SRGAP1: variants seen among roughly 807,000 people sequenced by gnomAD.
The protein encoded by SRGAP1 is SLIT-ROBO Rho GTPase-activating protein 1.
SRGAP1 carries 43 observed loss-of-function variants against 121.9 expected under a neutral mutation model. The observed-to-expected ratio is 0.35, with a 90% CI of 0.28 to 0.46. The LOEUF (loss-of-function observed/expected upper bound fraction) is 0.46, where lower values mean the gene tolerates loss of function less well. SRGAP1 is among the 20% of genes least tolerant of loss of function. The probability of loss-of-function intolerance (pLI) is 1.00; values close to 1 mark genes in which losing one functional copy is unlikely to be tolerated. For missense variants in SRGAP1, 1,102 were observed against 1,350.9 expected (o/e 0.82, Z 2.89); for synonymous variants, 447 against 485.4 (o/e 0.92, Z 1.04).
intron 1 of SRGAP1, among the ~76,000 whole-genome samples, chr12:63,866,872 CTT>C (rs796830805): frequency 2.6e-4 from 36 of 141,010 alleles, no homozygotes; most frequent in Admixed American, 2.9e-4. Flanking sequence ...CATAACATTT[CTT>C]TTTTTTTTTT....
intron 6 of SRGAP1, among the ~76,000 whole-genome samples, chr12:64,052,079 G>A (rs946100672): frequency 7.9e-5 from 12 of 152,054 alleles, no homozygotes; most frequent in Admixed American, 7.2e-4. Context: ...TGAAGAAAAT[G>A]GCTCAATTGT....
chr12:63,999,937 T>C (rs1295345809), intron 3 of SRGAP1, among the ~76,000 whole-genome samples: 1 of 152,074 alleles, frequency 6.6e-6, no homozygotes, highest in Non-Finnish European at 1.5e-5. Flanking sequence ...TCCTATAAAA[T>C]GACTGAGAAG....
In SRGAP1 at chr12:63,889,053, T is replaced by C. The variant is rs993092514; in HGVS notation, c.67+44170T>C. Among the ~76,000 whole-genome samples, 9 of 152,322 alleles carry C rather than the reference T, an allele frequency of 5.9e-5. No individual in the cohort carries two copies. In the East Asian group the frequency reaches 1.7e-3, roughly 29 times the overall value. On this transcript the variant is annotated intron_variant, in intron 1 of 21. Transcript: ENST00000355086. The stretch of plus-strand genomic sequence containing the variant: ...TCCACTTCTTGAGCTTTGTTTTCTG[T>C]AGCCCTTGAGGCCACACCTCATCAT...
chr12:63,945,579 C>A (rs2032018470), intron 1 of SRGAP1, among the ~76,000 whole-genome samples: 1 of 152,206 alleles, frequency 6.6e-6, no homozygotes, highest in South Asian at 2.1e-4. Flanking sequence ...GTGGATTCCA[C>A]AACTTCAAGG....
At chr12:64,020,246 G>A (rs2034508947) in intron 4 of SRGAP1, among the ~76,000 whole-genome samples, 1 of 152,092 alleles carries the variant, frequency 6.6e-6, no homozygotes, top group Admixed American at 6.6e-5. Context: ...AGTTTTACCA[G>A]GCCAGATTGT....
intron 1 of SRGAP1, among the ~76,000 whole-genome samples, chr12:63,900,207 T>TTTTTTCC (rs1565942263): frequency 9.9e-6 from 1 of 100,952 alleles, no homozygotes; most frequent in Non-Finnish European, 2.1e-5. Context: ...TCTTTTTCTT[T>TTTTTTCC]TTTTTTTTTT....
chr12:63,999,169 G>A (rs562278813), intron 3 of SRGAP1, among the ~76,000 whole-genome samples: 26 of 152,280 alleles, frequency 1.7e-4, no homozygotes, highest in Middle Eastern at 3.4e-3. Context: ...ACCACATGCC[G>A]TGAGAGATTT....
At chr12:63,922,983 C>T (rs1475382013) in intron 1 of SRGAP1, among the ~76,000 whole-genome samples, 2 of 152,184 alleles carry the variant, frequency 1.3e-5, no homozygotes, top group Non-Finnish European at 2.9e-5. Context: ...TTGGTAGCAT[C>T]TTCTCTAGGA....
intron 1 of SRGAP1, among the ~76,000 whole-genome samples, chr12:63,967,004 G>A (rs150810751): frequency 9.3e-4 from 142 of 152,274 alleles, no homozygotes; most frequent in African/African-American, 3.4e-3. Flanking sequence ...TGAGCTTTTT[G>A]ATAGGTTGGC....
rs77391656 is a variant in SRGAP1, at chr12:63,917,734, T to C, written c.68-66213T>C. On this transcript the variant is annotated intron_variant, in intron 1 of 21. Transcript: ENST00000355086. ...TTTCAGAACCTGCTTAGGCCCAAAT[T>C]TGAAAACAGTTTATAATGAACCTGC... Among the ~76,000 whole-genome samples the C allele has an allele frequency of 2.7e-3, 408 of 152,328 alleles. 2 individuals are homozygous for C. Among genetic ancestry groups the C allele is most frequent in the African/African-American group, 9.4e-3 (389 of 41,566 alleles).
At chr12:64,007,245 C>G (rs1051691730) in intron 3 of SRGAP1, among the ~76,000 whole-genome samples, 4 of 152,096 alleles carry the variant, frequency 2.6e-5, no homozygotes, top group Non-Finnish European at 5.9e-5. Flanking sequence ...CTTTTTGGCA[C>G]CAAGGACTGG....
chr12:63,898,162 G>A (rs969633942), intron 1 of SRGAP1, among the ~76,000 whole-genome samples: 7 of 152,226 alleles, frequency 4.6e-5, no homozygotes, highest in Admixed American at 3.9e-4. Flanking sequence ...AAAATGAAAA[G>A]CTGTGAGCAT....
intron 8 of SRGAP1, among the ~76,000 whole-genome samples, chr12:64,075,357 C>A (rs116965514): frequency 8.3e-4 from 126 of 152,312 alleles, no homozygotes; most frequent in Non-Finnish European, 1.3e-3. Context: ...AGCAGTTTTC[C>A]GACTTGGGCG....
chr12:63,930,328 TAA>T (rs755253203), intron 1 of SRGAP1, among the ~76,000 whole-genome samples: 5 of 60,074 alleles, frequency 8.3e-5, no homozygotes, highest in Admixed American at 2.1e-4. Context: ...TCGTCTCTAC[TAA>T]AAAAAAAAAA....
rs1212999220 is a variant in SRGAP1, at chr12:64,072,106, C to CTGTGTGTGTG, written c.1126-6812_1126-6811insGTGTGTGTGT. 8.0e-3 allele frequency among the ~76,000 whole-genome samples: 303 copies of CTGTGTGTGTG among 37,698 alleles called. 1 individual carries two copies. Among genetic ancestry groups the CTGTGTGTGTG allele is most frequent in the East Asian group, 0.048 (50 of 1,046 alleles). 24.7% of individuals were successfully genotyped at this position (37,698 alleles called of 152,430 possible). A position where few individuals can be genotyped will look rare whatever the true frequency, so the allele number is the denominator to read the frequency against. Reference sequence around the variant, plus strand: ...TAATTACGGAGTTGACCCAATCTCTCTCTGTGTGTGTGTGTGTGTGTGTGT... The same window carrying CTGTGTGTGTG: ...TAATTACGGAGTTGACCCAATCTCTCTGTGTGTGTGTCTGTGTGTGTGTGTGTGTGTGTGT... On this transcript the variant is annotated intron_variant, in intron 8 of 21. Transcript: ENST00000355086.
At chr12:63,924,627 C>T (rs545592348) in intron 1 of SRGAP1, among the ~76,000 whole-genome samples, 1 of 152,340 alleles carries the variant, frequency 6.6e-6, no homozygotes, top group East Asian at 1.9e-4. Flanking sequence ...TGAACTTTAT[C>T]ACTTACATGA....
intron 1 of SRGAP1, among the ~76,000 whole-genome samples, chr12:63,858,366 G>C (rs150263154): frequency 6.6e-6 from 1 of 151,518 alleles, no homozygotes; most frequent in Non-Finnish European, 1.5e-5. Context: ...GCTTCACTTT[G>C]CTGCCCAGGC....
At chr12:63,919,499 C>CATATATATATATATATATATATATAT (rs10570691) in intron 1 of SRGAP1, among the ~76,000 whole-genome samples, 66 of 134,108 alleles carry the variant, frequency 4.9e-4, no homozygotes, top group African/African-American at 1.9e-3. Flanking sequence ...CTTAACATTA[C>CATATATATATATATATATATATATAT]ATATATATAT....
chr12:63,856,065 C>T (rs1391302116), intron 1 of SRGAP1, among the ~76,000 whole-genome samples: 1 of 151,922 alleles, frequency 6.6e-6, no homozygotes, highest in African/African-American at 2.4e-5. Flanking sequence ...TGAGATCAGC[C>T]TGGCCAACAT....
Sources: gnomAD v4.1 joint callset for allele counts (sites outside exome capture counted in the v4.1 genomes callset) on GRCh38, gnomAD v4.1.1 for gene constraint, MANE v1.5 for transcripts, NCBI Gene and HGNC (gene_info 2026-07-23, HGNC 2026-07-21) for gene names.